The following GFRA2 variants were observed in gnomAD, a reference collection of about 807,000 sequenced individuals.
GFRA2 encodes GDNF family receptor alpha 2.
In GFRA2, 17 loss-of-function variants were observed where a neutral mutation model predicts 48.3. The ratio of observed to expected loss-of-function variants is 0.35; its 90% CI spans 0.24 to 0.53. The LOEUF (loss-of-function observed/expected upper bound fraction) is 0.53. GFRA2 is among the 20% of genes least tolerant of loss of function. The probability of loss-of-function intolerance (pLI) is 0.93; values close to 1 mark genes in which losing one functional copy is unlikely to be tolerated. For synonymous variants in GFRA2, 305 were observed against 257.2 expected (o/e 1.19, Z -1.78); for missense variants, 660 against 637.3 (o/e 1.04, Z -0.38).
At chr8:21,793,333 G>A (rs1464389059), upstream of GFRA2, among the ~76,000 whole-genome samples, 1 of 152,136 alleles carries the variant, frequency 6.6e-6, no homozygotes, top group Non-Finnish European at 1.5e-5. Context: ...GATTGTAACA[G>A]TCCCAGGCAG....
At chr8:21,755,768 C>T (rs1304841677) in intron 3 of GFRA2, among the ~76,000 whole-genome samples, 6 of 152,246 alleles carry the variant, frequency 3.9e-5, no homozygotes, top group Admixed American at 6.5e-5. Context: ...CTGGGAGGAA[C>T]TGCAAGCAAT....
Position 21,730,327 on chromosome 8 carries a change from C to T in GFRA2, c.794+20261G>A, listed in dbSNP as rs141842714. Among the ~76,000 whole-genome samples, 454 of 151,930 alleles carry T rather than the reference C, an allele frequency of 3.0e-3. 3 individuals are homozygous for T. Among genetic ancestry groups the T allele is most frequent in the African/African-American group, 0.01 (431 of 41,380 alleles). ...CTGAAGCAGGAGAATCATTTGAACC[C>T]GGGAGGTGGAGGATGCAGCGAGCCG... On this transcript the variant is annotated intron_variant, in intron 4 of 8. Coordinates refer to ENST00000524240, the MANE Select transcript of GFRA2 (RefSeq NM_001495.5).
chr8:21,768,883 T>C (rs1234426824), intron 3 of GFRA2, among the ~76,000 whole-genome samples: 1 of 152,166 alleles, frequency 6.6e-6, no homozygotes, highest in East Asian at 1.9e-4. Context: ...CACCGTCCCC[T>C]GAGCCCCCAG....
intron 3 of GFRA2, among the ~76,000 whole-genome samples, chr8:21,767,652 G>A (rs1456370283): frequency 6.6e-6 from 1 of 152,234 alleles, no homozygotes; most frequent in Non-Finnish European, 1.5e-5. Flanking sequence ...CACTGGCAGA[G>A]CCTGCCTCAC....
At chr8:21,790,129 C>G, upstream of GFRA2, 1 of 984,230 alleles carries the variant, frequency 1.0e-6, no homozygotes, top group Non-Finnish European at 1.2e-6. Flanking sequence ...AAGGAAGCGT[C>G]TGGCTGGGAA....
chr8:21,746,661 A>T (rs900918967), intron 4 of GFRA2, among the ~76,000 whole-genome samples: 2 of 152,058 alleles, frequency 1.3e-5, no homozygotes, highest in African/African-American at 4.8e-5. Flanking sequence ...AGAAACTGTC[A>T]GCCCTCAGCT....
rs370804152 is a variant in GFRA2, at chr8:21,750,579, G to A, written c.794+9C>T. ...CTGCCAGCACCACCGGGGCTGCCGC[G>A]GCACTCACCGACACAGGTGGTCAGT... On this transcript the variant is annotated intron_variant, in intron 4 of 8. Coordinates refer to ENST00000524240, the MANE Select transcript of GFRA2 (RefSeq NM_001495.5). The surrounding 1 kb of genome is among the most constrained non-coding windows in gnomAD (Gnocchi z 5.7). 9.7e-4 allele frequency: 1,504 copies of A among 1,545,732 alleles called. 2 individuals are homozygous for A. Among genetic ancestry groups the A allele is most frequent in the Non-Finnish European group, 1.2e-3 (1,399 of 1,131,064 alleles).
chr8:21,701,564 C>A (rs879447037), intron 7 of GFRA2, among the ~76,000 whole-genome samples: 1 of 152,198 alleles, frequency 6.6e-6, no homozygotes, highest in Admixed American at 6.5e-5. Context: ...CCTGCCCAGA[C>A]TGACTTAGTC....
At chr8:21,783,811 CCTGG>C (rs1243574379) in intron 1 of GFRA2, among the ~76,000 whole-genome samples, 4 of 151,920 alleles carry the variant, frequency 2.6e-5, no homozygotes, top group African/African-American at 9.7e-5. Context: ...TCTGCTTGCA[CCTGG>C]CTATATCTTA....
upstream of GFRA2, among the ~76,000 whole-genome samples, chr8:21,791,377 T>C (rs1807571053): frequency 6.6e-6 from 1 of 152,110 alleles, no homozygotes; most frequent in Non-Finnish European, 1.5e-5. Flanking sequence ...ACCACCAGCA[T>C]TCAGCTTGTG....
chr8:21,722,985 G>A (rs1803679720), intron 4 of GFRA2, among the ~76,000 whole-genome samples: 1 of 152,192 alleles, frequency 6.6e-6, no homozygotes, highest in Admixed American at 6.5e-5. Flanking sequence ...AGACCACTCA[G>A]GCCAGGGAGA....
Position 21,738,169 on chromosome 8 carries a change from C to A in GFRA2, c.794+12419G>T, listed in dbSNP as rs1424528906. Among the ~76,000 whole-genome samples the A allele has an allele frequency of 1.6e-4, 7 of 44,112 alleles. No individual in the cohort carries two copies. In the South Asian group the frequency reaches 7.5e-3, roughly 47 times the overall value. The allele number at this position is 44,112 out of a possible 152,430, so 28.9% of individuals were successfully genotyped here. A position where few individuals can be genotyped will look rare whatever the true frequency, so the allele number is the denominator to read the frequency against. On this transcript the variant is annotated intron_variant, in intron 4 of 8. Transcript: ENST00000524240. ...TCCTCATCCCCCTCCCCCTCCTCAT[C>A]CCCCTCCCCCGTTCCTCCTCCTCCC...
chr8:21,724,768 G>T (rs770359553), intron 4 of GFRA2, among the ~76,000 whole-genome samples: 4 of 152,150 alleles, frequency 2.6e-5, no homozygotes, highest in Non-Finnish European at 5.9e-5. Flanking sequence ...GTTGGCAGGG[G>T]AAGTGTTAGC....
At chr8:21,780,173 C>T (rs1171623782) in intron 2 of GFRA2, among the ~76,000 whole-genome samples, 1 of 151,964 alleles carries the variant, frequency 6.6e-6, no homozygotes, top group Non-Finnish European at 1.5e-5. Flanking sequence ...TAGCCAGGCT[C>T]CTCCCTAGCC....
At chr8:21,715,560 G>T (rs1211978605) in intron 4 of GFRA2, among the ~76,000 whole-genome samples, 1 of 152,088 alleles carries the variant, frequency 6.6e-6, no homozygotes, top group Non-Finnish European at 1.5e-5. Context: ...ACCTGCCTTG[G>T]CCTCCCAAGG....
At chr8:21,724,788 A>AAAG (rs1803778706) in intron 4 of GFRA2, among the ~76,000 whole-genome samples, 1 of 151,624 alleles carries the variant, frequency 6.6e-6, no homozygotes, top group African/African-American at 2.4e-5. Flanking sequence ...CTCCCTTGAC[A>AAAG]CCTCCCCTCC....
intron 3 of GFRA2, 95 bp from the exon 4 acceptor site, chr8:21,751,037 T>C: frequency 1.2e-6 from 1 of 811,932 alleles, no homozygotes; most frequent in Non-Finnish European, 2.0e-6. Context: ...GTACTCGATA[T>C]GCTTCCATGT....
intron 4 of GFRA2, among the ~76,000 whole-genome samples, chr8:21,718,360 G>C (rs28642730): frequency 1.3e-5 from 2 of 152,216 alleles, no homozygotes; most frequent in South Asian, 4.1e-4. Context: ...ATATGGAACC[G>C]TAAGTCCGGT....
At chr8:21,805,185 G>A (rs1157087719) in intron 1 of GFRA2, 1 of 152,226 alleles carries the variant, frequency 6.6e-6, no homozygotes, top group Non-Finnish European at 1.5e-5. Flanking sequence ...ATGAAGTCAT[G>A]TTTTAAGTTC....
Sources: gnomAD v4.1 joint callset for allele counts (sites outside exome capture counted in the v4.1 genomes callset) on GRCh38, gnomAD v4.1.1 for gene constraint, Gnocchi (gnomAD v3.1) non-coding constraint, MANE v1.5 for transcripts, NCBI Gene and HGNC (gene_info 2026-07-23, HGNC 2026-07-21) for gene names.